The following XKR9 variants were observed in gnomAD, a reference collection of about 807,000 sequenced individuals.
The protein encoded by XKR9 is XK related 9, also known as XK-related protein 9.
XKR9 carries 32 observed loss-of-function variants against 32.0 expected under a neutral mutation model. The ratio of observed to expected loss-of-function variants is 1.00; its 90% CI spans 0.76 to 1.34. The LOEUF (loss-of-function observed/expected upper bound fraction) is 1.34, where lower values mean the gene tolerates loss of function less well. Among genes scored for constraint, XKR9 ranks in the 40% most tolerant of loss-of-function variants. The pLI is 0.00. For missense variants in XKR9, 546 were observed against 429.7 expected, an observed-to-expected ratio of 1.27 and a Z score of -2.39; for synonymous variants, 168 against 143.4, an observed-to-expected ratio of 1.17 and a Z score of -1.22.
At chr8:70,721,942 G>A (rs1315585897) in intron 4 of XKR9, among the ~76,000 whole-genome samples, 1 of 152,074 alleles carries the variant, frequency 6.6e-6, no homozygotes, top group Non-Finnish European at 1.5e-5. Context: ...AAGTCTCTTT[G>A]TACATCTCTA....
At chr8:71,013,818 T>C in the XKR9 span, among the ~76,000 whole-genome samples, 1 of 152,202 alleles carries the variant, frequency 6.6e-6, no homozygotes, top group Non-Finnish European at 1.5e-5. Flanking sequence ...GATGCTAATG[T>C]GCTCTCCAAA....
the XKR9 span, among the ~76,000 whole-genome samples, chr8:70,947,777 T>A: frequency 2.6e-5 from 4 of 152,244 alleles, no homozygotes; most frequent in Admixed American, 6.5e-5. Flanking sequence ...AAATACGATT[T>A]GAAAATCAAG....
chr8:70,716,135 A>T (rs936581557), intron 4 of XKR9, among the ~76,000 whole-genome samples: 1 of 152,068 alleles, frequency 6.6e-6, no homozygotes, highest in Non-Finnish European at 1.5e-5. Context: ...GAACTAGTAG[A>T]TGTATATAGA....
the XKR9 span, among the ~76,000 whole-genome samples, chr8:71,060,852 GGTTA>G: frequency 6.6e-6 from 1 of 152,146 alleles, no homozygotes; most frequent in African/African-American, 2.4e-5. Flanking sequence ...AAGACCACAT[GGTTA>G]GTAAGAGACA....
At chr8:70,906,544 C>G in the XKR9 span, among the ~76,000 whole-genome samples, 1 of 152,152 alleles carries the variant, frequency 6.6e-6, no homozygotes, top group Non-Finnish European at 1.5e-5. Flanking sequence ...CATCATTTGC[C>G]GACTTGCAGG....
the XKR9 span, among the ~76,000 whole-genome samples, chr8:70,921,245 AC>A: frequency 9.2e-5 from 14 of 152,188 alleles, no homozygotes; most frequent in Admixed American, 6.5e-4. Context: ...AGGCTGCTAT[AC>A]TGGGGCCCTC....
intron 4 of XKR9, among the ~76,000 whole-genome samples, chr8:70,728,897 G>A (rs565616129): frequency 3.3e-5 from 5 of 152,198 alleles, no homozygotes; most frequent in African/African-American, 1.2e-4. Flanking sequence ...ACAGCCGTGG[G>A]CTTGTACCTC....
chr8:70,848,087 A>C, the XKR9 span, among the ~76,000 whole-genome samples: 1 of 152,128 alleles, frequency 6.6e-6, no homozygotes, highest in Non-Finnish European at 1.5e-5. Context: ...TAGCAAACCA[A>C]AATCAACAAC....
intron 2 of XKR9, among the ~76,000 whole-genome samples, chr8:70,774,444 C>T (rs189718495): frequency 1.3e-4 from 20 of 152,170 alleles, no homozygotes; most frequent in Admixed American, 4.6e-4. Context: ...CACCTCGCTT[C>T]ATTTGTGTTT....
At chr8:70,768,483 TTC>T (rs1807408464) in intron 2 of XKR9, among the ~76,000 whole-genome samples, 1 of 152,190 alleles carries the variant, frequency 6.6e-6, no homozygotes. Flanking sequence ...CTTGTTAATT[TTC>T]TGTCTCATTG....
At chr8:70,749,313 GAGA>G (rs1204436410) in intron 2 of XKR9, among the ~76,000 whole-genome samples, 2 of 151,272 alleles carry the variant, frequency 1.3e-5, no homozygotes, top group African/African-American at 4.9e-5. Flanking sequence ...TGTGGGTGAC[GAGA>G]AGGAGAGAAG....
chr8:70,902,551 G>A, the XKR9 span, among the ~76,000 whole-genome samples: 1 of 152,120 alleles, frequency 6.6e-6, no homozygotes, highest in African/African-American at 2.4e-5. Context: ...AGGAGATTTT[G>A]GGCTGAGTTG....
At chr8:70,893,375 C>T in the XKR9 span, among the ~76,000 whole-genome samples, 41 of 152,214 alleles carry the variant, frequency 2.7e-4, no homozygotes, top group South Asian at 1.2e-3. Context: ...TACACAGTTA[C>T]GATGTTCCTC....
At chr8:70,704,913 T>C (rs537673722) in intron 3 of XKR9, among the ~76,000 whole-genome samples, 1 of 152,326 alleles carries the variant, frequency 6.6e-6, no homozygotes, top group African/African-American at 2.4e-5. Flanking sequence ...ATGACTATTT[T>C]TTTTCTGCCT....
At chr8:70,743,175 G>A (rs1807012572) in intron 2 of XKR9, among the ~76,000 whole-genome samples, 1 of 151,904 alleles carries the variant, frequency 6.6e-6, no homozygotes, top group South Asian at 2.1e-4. Flanking sequence ...CTACTGTTAA[G>A]TTCATATAAT....
At chr8:70,803,656 G>T in the XKR9 span, among the ~76,000 whole-genome samples, 1 of 152,126 alleles carries the variant, frequency 6.6e-6, no homozygotes, top group Non-Finnish European at 1.5e-5. Flanking sequence ...GTGGTATAAA[G>T]TGGCCTCAGT....
the XKR9 span, among the ~76,000 whole-genome samples, chr8:70,880,222 G>A: frequency 1.3e-5 from 2 of 152,168 alleles, no homozygotes; most frequent in East Asian, 3.8e-4. Flanking sequence ...ACAAGACAGG[G>A]ATGCCCTCTC....
downstream of XKR9, among the ~76,000 whole-genome samples, chr8:70,791,148 C>G (rs1807759164): frequency 6.6e-6 from 1 of 152,022 alleles, no homozygotes; most frequent in Non-Finnish European, 1.5e-5. Context: ...ATTCTGTAAT[C>G]TATTCCATGA....
the XKR9 span, among the ~76,000 whole-genome samples, chr8:70,990,260 CT>C: frequency 6.6e-6 from 1 of 152,138 alleles, no homozygotes; most frequent in East Asian, 1.9e-4. Flanking sequence ...ATTGTAATAA[CT>C]CTCCTTTATA....
Sources: gnomAD v4.1 joint callset for allele counts (sites outside exome capture counted in the v4.1 genomes callset) on GRCh38, gnomAD v4.1.1 for gene constraint, MANE v1.5 for transcripts, NCBI Gene and HGNC (gene_info 2026-07-23, HGNC 2026-07-21) for gene names.